The following THRB variants were observed in gnomAD, a reference collection of about 807,000 sequenced individuals.
THRB encodes nuclear receptor subfamily 1 group A member 2.
In THRB, 12 loss-of-function variants were observed where a neutral mutation model predicts 47.8. The ratio of observed to expected loss-of-function variants is 0.25; its 90% confidence interval spans 0.16 to 0.41. THRB has a LOEUF of 0.41. THRB is among the 10% of genes least tolerant of loss of function. The pLI, the probability that THRB is intolerant of heterozygous loss-of-function variation, is 1.00. For synonymous variants in THRB, 218 were observed against 212.2 expected, an observed-to-expected ratio of 1.03 and a Z score of -0.24; for missense variants, 348 against 589.2, an observed-to-expected ratio of 0.59 and a Z score of 4.24.
chr3:24,192,234 C>G (rs1401760191), intron 4 of THRB, among the ~76,000 whole-genome samples: 1 of 152,116 alleles, frequency 6.6e-6, no homozygotes, highest in African/African-American at 2.4e-5. Flanking sequence ...CCATGTGTAA[C>G]TCATTCAAGT....
intron 3 of THRB, among the ~76,000 whole-genome samples, chr3:24,239,312 T>A (rs1202466820): frequency 6.6e-6 from 1 of 152,102 alleles, no homozygotes; most frequent in African/African-American, 2.4e-5. Context: ...TTCCAGTGGC[T>A]TTCTGTGAGG....
chr3:24,465,681 T>A (rs1045508485), intron 1 of THRB, among the ~76,000 whole-genome samples: 1 of 152,102 alleles, frequency 6.6e-6, no homozygotes, highest in Non-Finnish European at 1.5e-5. Flanking sequence ...TGGTATTACA[T>A]ACTTGAGTCA....
intron 5 of THRB, among the ~76,000 whole-genome samples, chr3:24,161,654 A>G (rs78386847): frequency 0.035 from 5,299 of 151,486 alleles, 197 homozygotes; most frequent in African/African-American, 0.094. Context: ...ACACACACAC[A>G]GACAGAATTC....
At chr3:24,275,632 G>A (rs60575342) in intron 3 of THRB, among the ~76,000 whole-genome samples, 8,175 of 152,214 alleles carry the variant, frequency 0.054, 708 homozygotes, top group African/African-American at 0.18. Context: ...CAACATGAGC[G>A]AGATGAAAAT....
intron 1 of THRB, among the ~76,000 whole-genome samples, chr3:24,422,490 T>G (rs2069358800): frequency 6.6e-6 from 1 of 151,890 alleles, no homozygotes; most frequent in Admixed American, 6.6e-5. Flanking sequence ...CTTCCCTTTA[T>G]TTTGGATTTC....
chr3:24,424,684 CCTT>C (rs1208310736), intron 1 of THRB, among the ~76,000 whole-genome samples: 1 of 151,950 alleles, frequency 6.6e-6, no homozygotes, highest in Non-Finnish European at 1.5e-5. Flanking sequence ...TTCTCTCTCT[CCTT>C]GTCAAGGTAT....
At chr3:24,444,571 A>G (rs1311492202) in intron 1 of THRB, among the ~76,000 whole-genome samples, 1 of 152,230 alleles carries the variant, frequency 6.6e-6, no homozygotes, top group African/African-American at 2.4e-5. Flanking sequence ...AATAATTCAT[A>G]ATTTGCACAT....
At chr3:24,128,932 G>A (rs925801295) in intron 9 of THRB, among the ~76,000 whole-genome samples, 1 of 131,256 alleles carries the variant, frequency 7.6e-6, no homozygotes, top group Non-Finnish European at 1.6e-5. Context: ...AAATATGTGA[G>A]TTACACCTAA....
At chr3:24,434,523 G>A (rs748346557) in intron 1 of THRB, among the ~76,000 whole-genome samples, 1 of 152,172 alleles carries the variant, frequency 6.6e-6, no homozygotes, top group Non-Finnish European at 1.5e-5. Context: ...ACCATGGAGA[G>A]AATGACTGTG....
At chr3:24,443,000 G>A (rs1030889056) in intron 1 of THRB, among the ~76,000 whole-genome samples, 5 of 151,766 alleles carry the variant, frequency 3.3e-5, no homozygotes. Context: ...GGCCAACAAT[G>A]GTGAAACTCC....
intron 3 of THRB, among the ~76,000 whole-genome samples, chr3:24,281,175 G>A (rs1290268905): frequency 1.3e-5 from 2 of 151,984 alleles, no homozygotes; most frequent in African/African-American, 4.8e-5. Context: ...AAATGTTAAG[G>A]GCAGCCAGAG....
At chr3:24,182,035 A>G (rs2041962856) in intron 5 of THRB, among the ~76,000 whole-genome samples, 1 of 152,056 alleles carries the variant, frequency 6.6e-6, no homozygotes, top group African/African-American at 2.4e-5. Flanking sequence ...CCCCATCTCT[A>G]CTAAAAATAC....
chr3:24,434,666 A>G (rs772062401), intron 1 of THRB, among the ~76,000 whole-genome samples: 60 of 152,236 alleles, frequency 3.9e-4, no homozygotes, highest in African/African-American at 1.3e-3. Flanking sequence ...TGCTACTTCA[A>G]TATGAAGCAA....
At chr3:24,253,273 G>A (rs1240376301) in intron 3 of THRB, among the ~76,000 whole-genome samples, 1 of 152,144 alleles carries the variant, frequency 6.6e-6, no homozygotes, top group Non-Finnish European at 1.5e-5. Flanking sequence ...TTTCTACAAA[G>A]TGCAACTCTA....
intron 1 of THRB, among the ~76,000 whole-genome samples, chr3:24,338,759 T>C (rs896767964): frequency 6.6e-6 from 1 of 152,236 alleles, no homozygotes; most frequent in African/African-American, 2.4e-5. Context: ...CTCAGTATGT[T>C]AAAAGGAAAA....
chr3:24,424,456 A>G (rs768562359), intron 1 of THRB, among the ~76,000 whole-genome samples: 1 of 151,958 alleles, frequency 6.6e-6, no homozygotes, highest in Non-Finnish European at 1.5e-5. Flanking sequence ...AGCATTGGCA[A>G]TATCTGGAGA....
At chr3:24,237,588 C>A (rs2049001401) in intron 3 of THRB, among the ~76,000 whole-genome samples, 1 of 152,074 alleles carries the variant, frequency 6.6e-6, no homozygotes, top group Admixed American at 6.6e-5. Context: ...ACAAAGTCAC[C>A]ATGGCATGTT....
intron 2 of THRB, among the ~76,000 whole-genome samples, chr3:24,320,213 G>A (rs1318670275): frequency 1.3e-5 from 2 of 152,178 alleles, no homozygotes; most frequent in African/African-American, 2.4e-5. Flanking sequence ...ACCCTAAGAT[G>A]ATCAGAAATC....
chr3:24,187,176 C>G (rs1394138009), intron 5 of THRB, among the ~76,000 whole-genome samples: 5 of 152,056 alleles, frequency 3.3e-5, no homozygotes, highest in Non-Finnish European at 7.3e-5. Context: ...CAATCCCCAA[C>G]TAACTGTCTA....
Sources: gnomAD v4.1 joint callset for allele counts (sites outside exome capture counted in the v4.1 genomes callset) on GRCh38, gnomAD v4.1.1 for gene constraint, MANE v1.5 for transcripts, NCBI Gene and HGNC (gene_info 2026-07-23, HGNC 2026-07-21) for gene names.